Variants in TNIK observed in about 807,000 individuals in gnomAD.
TNIK encodes the protein TRAF2 and NCK interacting kinase, also known as TRAF2 and NCK-interacting protein kinase.
A neutral mutation model predicts 191.3 loss-of-function variants in TNIK; 49 were observed. The ratio of observed to expected loss-of-function variants is 0.26; its 90% confidence interval spans 0.20 to 0.32. TNIK has a LOEUF of 0.32. TNIK is among the 10% of genes least tolerant of loss of function. The pLI, the probability that TNIK is intolerant of heterozygous loss-of-function variation, is 1.00. For synonymous variants in TNIK, 594 were observed against 600.9 expected (o/e 0.99, Z 0.17); for missense variants, 1,155 against 1,702.3 (o/e 0.68, Z 5.66).
intron 1 of TNIK, among the ~76,000 whole-genome samples, chr3:171,387,980 T>TG (rs146248407): frequency 0.019 from 852 of 45,830 alleles, 8 homozygotes; most frequent in African/African-American, 0.067. Context: ...GCAAGGAGTG[T>TG]GGGGGGAGGG....
intron 29 of TNIK, among the ~76,000 whole-genome samples, chr3:171,069,915 G>A (rs952210803): frequency 2.6e-5 from 4 of 152,158 alleles, no homozygotes; most frequent in African/African-American, 9.7e-5. Flanking sequence ...GGAAGGCTTG[G>A]CCTCTTGCCA....
At chr3:171,088,231 G>GTTTTTTTT in intron 23 of TNIK, among the ~76,000 whole-genome samples, 2 of 142,788 alleles carry the variant, frequency 1.4e-5, no homozygotes, top group African/African-American at 5.3e-5. Flanking sequence ...TCCTTTAAAG[G>GTTTTTTTT]TTTTTCTTTT....
chr3:171,459,698 A>ACACACACACACACACG (rs1274651963), intron 1 of TNIK, among the ~76,000 whole-genome samples: 1 of 151,772 alleles, frequency 6.6e-6, no homozygotes, highest in African/African-American at 2.4e-5. Context: ...ACACACACAC[A>ACACACACACACACACG]CACACGCACA....
At chr3:171,387,454 C>T (rs1341522297) in intron 1 of TNIK, among the ~76,000 whole-genome samples, 1 of 152,174 alleles carries the variant, frequency 6.6e-6, no homozygotes, top group African/African-American at 2.4e-5. Context: ...TCTCCAAAAC[C>T]TGACATCGGC....
intron 21 of TNIK, among the ~76,000 whole-genome samples, chr3:171,102,555 A>C (rs148006458): frequency 6.6e-6 from 1 of 152,288 alleles, no homozygotes; most frequent in African/African-American, 2.4e-5. Context: ...GGCCGCTCTA[A>C]TTTGCATGGG....
chr3:171,452,028 G>A (rs9871630), intron 1 of TNIK, among the ~76,000 whole-genome samples: 2 of 152,116 alleles, frequency 1.3e-5, no homozygotes, highest in African/African-American at 2.4e-5. Context: ...TACTGCCAAG[G>A]TTCTAATTTC....
At chr3:171,070,199 G>A (rs371932072) in intron 29 of TNIK, among the ~76,000 whole-genome samples, 46 of 152,250 alleles carry the variant, frequency 3.0e-4, no homozygotes, top group African/African-American at 9.9e-4. Context: ...TAAAAGTGAG[G>A]TCATGGAGGG....
At position 171,436,493 on chromosome 3, in the gene TNIK, G is replaced by T. The variant is rs544884382; in HGVS notation, c.57+23514C>A. Among the ~76,000 whole-genome samples the T allele has an allele frequency of 1.4e-4, 22 of 152,332 alleles. No individual in the cohort carries two copies. In the East Asian group the frequency reaches 2.3e-3, roughly 16 times the overall value. On this transcript the variant is annotated intron_variant, in intron 1 of 32. Transcript: ENST00000436636. ...TTGTTACCTCCATTTCATAGGTGTAGAAAAGTGTAGGGATTTTACATAACT... is the reference window on the plus strand; with the variant it reads ...TTGTTACCTCCATTTCATAGGTGTATAAAAGTGTAGGGATTTTACATAACT...
chr3:171,273,553 TAAG>T (rs1749380544), intron 2 of TNIK, among the ~76,000 whole-genome samples: 1 of 152,168 alleles, frequency 6.6e-6, no homozygotes, highest in Admixed American at 6.5e-5. Flanking sequence ...CCTCAGCTCT[TAAG>T]AAGGTATTTT....
intron 2 of TNIK, among the ~76,000 whole-genome samples, chr3:171,247,821 A>G (rs981420461): frequency 2.0e-5 from 3 of 152,228 alleles, no homozygotes; most frequent in Non-Finnish European, 1.5e-5. Flanking sequence ...CAATCTGGCA[A>G]TTATGAAGCC....
intron 1 of TNIK, among the ~76,000 whole-genome samples, chr3:171,436,577 A>G (rs1726061261): frequency 6.6e-6 from 1 of 152,210 alleles, no homozygotes; most frequent in Non-Finnish European, 1.5e-5. Flanking sequence ...AGAGAGTCCA[A>G]CCCCTGATGT....
intron 2 of TNIK, among the ~76,000 whole-genome samples, chr3:171,249,861 C>G (rs1292712238): frequency 1.3e-5 from 2 of 152,156 alleles, no homozygotes; most frequent in African/African-American, 4.8e-5. Flanking sequence ...TCCTAGCTAT[C>G]CTGGTTTCTT....
chr3:171,369,734 A>T (rs551169462), intron 1 of TNIK, 49 bp from the exon 2 acceptor site: 1 of 1,455,878 alleles, frequency 6.9e-7, no homozygotes, highest in South Asian at 1.2e-5. Context: ...TATTCCAGGC[A>T]TTGCCTTAAT....
At chr3:171,459,675 T>TACACACACACACACAC (rs58614773) in intron 1 of TNIK, among the ~76,000 whole-genome samples, 3,809 of 146,278 alleles carry the variant, frequency 0.026, 109 homozygotes, top group African/African-American at 0.067. Context: ...CCGGGGCGTG[T>TACACACACACACACAC]ACACACACAC....
rs573880119 is a variant in TNIK, at chr3:171,167,183, T to A, written c.861A>T (p.Pro287=). The A allele has an allele frequency of 1.9e-5, 31 of 1,613,894 alleles. 1 individual carries two copies. The Middle Eastern group carries it at 4.9e-4, about 26-fold the overall frequency. Residue 287 remains proline (P), a synonymous_variant, in exon 10 of 33, where the codon CCA becomes CCT. Transcript: ENST00000436636. ...GCTCATTAGGTTGGTCTCGTATAAATGGATGCTTCATCAATTGTTCTGTTG... is the reference window on the plus strand; with the variant it reads ...GCTCATTAGGTTGGTCTCGTATAAAAGGATGCTTCATCAATTGTTCTGTTG... ...RPATEQLMKH[P]FIRDQPNERQ... is the part of the protein sequence containing the mutation.
At chr3:171,352,203 G>A (rs1305630223) in intron 2 of TNIK, among the ~76,000 whole-genome samples, 1 of 152,208 alleles carries the variant, frequency 6.6e-6, no homozygotes, top group Non-Finnish European at 1.5e-5. Context: ...TCAAAGAGAA[G>A]TGTTTGATTT....
intron 22 of TNIK, among the ~76,000 whole-genome samples, chr3:171,100,496 CT>C (rs1288339414): frequency 3.3e-5 from 5 of 152,040 alleles, no homozygotes; most frequent in Non-Finnish European, 5.9e-5. Flanking sequence ...CCTGAAATGG[CT>C]TCTTTTTTAT....
At chr3:171,373,268 C>T (rs901242239) in intron 1 of TNIK, among the ~76,000 whole-genome samples, 9 of 145,872 alleles carry the variant, frequency 6.2e-5, no homozygotes, top group African/African-American at 2.0e-4. Flanking sequence ...CATTTATACT[C>T]CTGAGCATCA....
rs1398656938 is a variant in TNIK, at chr3:171,063,076, C to T, written c.*805G>A. Reference sequence around the variant, plus strand: ...AAGTTGTGTTAGAGTGTCCCTCCATCGCTAGGCCAGCTCAACTCAATGGCG... The same window carrying T: ...AAGTTGTGTTAGAGTGTCCCTCCATTGCTAGGCCAGCTCAACTCAATGGCG... On this transcript the variant is annotated 3_prime_UTR_variant, in exon 33 of 33. Transcript: ENST00000436636. 1 of 152,174 alleles carries T rather than the reference C, an allele frequency of 6.6e-6. No homozygotes were observed. Among genetic ancestry groups the T allele is most frequent in the African/African-American group, 2.4e-5 (1 of 41,436 alleles). The allele number at this position is 152,174 out of a possible 1,614,324, so 9.4% of individuals were successfully genotyped here.
Sources: gnomAD v4.1 joint callset for allele counts (sites outside exome capture counted in the v4.1 genomes callset) on GRCh38, gnomAD v4.1.1 for gene constraint, MANE v1.5 for transcripts, NCBI Gene and HGNC (gene_info 2026-07-23, HGNC 2026-07-21) for gene names.